ATRX: variants seen among roughly 807,000 people sequenced by gnomAD.
ATRX encodes ATRX chromatin remodeler, also known as chromatin remodeler ATRX.
Under a neutral mutation model 172.6 loss-of-function variants are expected in ATRX, and 12 were observed. The observed-to-expected ratio is 0.07, with a 90% confidence interval of 0.04 to 0.11. ATRX has a LOEUF of 0.11. Ranked by LOEUF, ATRX falls within the 10% of genes least tolerant of loss-of-function variation. The probability of loss-of-function intolerance (pLI) is 1.00; values close to 1 mark genes in which losing one functional copy is unlikely to be tolerated. For missense variants in ATRX, 1,368 were observed against 1,767.4 expected, an observed-to-expected ratio of 0.77 and a Z score of 4.05; for synonymous variants, 674 against 594.7, an observed-to-expected ratio of 1.13 and a Z score of -1.94.
Position 77,560,584 on chromosome X carries a change from C to T in ATRX, c.6327-1738G>A, listed in dbSNP as rs927956649. On this transcript the variant is annotated intron_variant, in intron 28 of 34. Coordinates refer to ENST00000373344, the MANE Select transcript of ATRX (RefSeq NM_000489.6). ...TCAATAATCAACACAAAATGTTTTT[C>T]TTTTCTTTCATGAAAGAAAATTAAT... is the stretch of plus-strand genomic sequence containing the variant. 6.7e-4 allele frequency among the ~76,000 whole-genome samples: 74 copies of T among 111,149 alleles called. 1 individual carries two copies. Among genetic ancestry groups the T allele is most frequent in the Non-Finnish European group, 1.1e-3 (56 of 52,872 alleles).
At chrX:77,554,956 C>T (rs1225312608) in intron 30 of ATRX, among the ~76,000 whole-genome samples, 3 of 111,912 alleles carry the variant, frequency 2.7e-5, no homozygotes, top group East Asian at 5.6e-4. Flanking sequence ...AAAGCAGGCA[C>T]GTCCTCTCTT....
chrX:77,750,794 A>C (rs1557187220), intron 1 of ATRX, among the ~76,000 whole-genome samples: 1 of 109,892 alleles, frequency 9.1e-6, no homozygotes, highest in Non-Finnish European at 1.9e-5. Flanking sequence ...GTTTTCTGTT[A>C]CTGTGTTACT....
chrX:77,689,187 TAA>T (rs1396631385), intron 6 of ATRX, among the ~76,000 whole-genome samples: 4 of 112,127 alleles, frequency 3.6e-5, no homozygotes, highest in Non-Finnish European at 7.5e-5. Context: ...GAAATAACAT[TAA>T]GAGAACCCAT....
rs141074037 is a variant in ATRX, at chrX:77,782,821, C to A, written c.20+3161G>T. 3.9e-3 allele frequency among the ~76,000 whole-genome samples: 436 copies of A among 111,812 alleles called. 1 individual carries two copies. The highest frequency in any genetic ancestry group is 0.014 in the African/African-American group (424 of 30,850). The stretch of plus-strand genomic sequence containing the variant: ...ATGAAGCCTCCATTCCAGGCCCTAG[C>A]TCCAGGATGACAATTCTAGACACAT... On this transcript the variant is annotated intron_variant, in intron 1 of 34. Coordinates refer to ENST00000373344, the MANE Select transcript of ATRX (RefSeq NM_000489.6).
intron 11 of ATRX, among the ~76,000 whole-genome samples, chrX:77,663,923 G>A (rs2070075805): frequency 1.8e-5 from 2 of 110,943 alleles, no homozygotes; most frequent in Non-Finnish European, 3.8e-5. Context: ...TCAACATGGA[G>A]AAACCCCGTC....
intron 30 of ATRX, 102 bp downstream of exon 30, chrX:77,557,349 A>T (rs1358200445): frequency 1.3e-6 from 1 of 793,921 alleles, no homozygotes; most frequent in African/African-American, 2.1e-5. Context: ...TCCTTGAAAA[A>T]TTCTGAAATA....
intron 19 of ATRX, among the ~76,000 whole-genome samples, chrX:77,623,838 G>A (rs781855439): frequency 9.0e-6 from 1 of 111,561 alleles, no homozygotes; most frequent in African/African-American, 3.3e-5. Context: ...AAAAGCATTC[G>A]ACAAAATCCA....
chrX:77,540,152 C>G (rs2063916716), intron 30 of ATRX, among the ~76,000 whole-genome samples: 1 of 111,327 alleles, frequency 9.0e-6, no homozygotes, highest in Non-Finnish European at 1.9e-5. Flanking sequence ...CAAAAAAAAG[C>G]AGGAGTTGCA....
intron 2 of ATRX, among the ~76,000 whole-genome samples, chrX:77,714,514 A>T (rs182078970): frequency 4.0e-4 from 45 of 112,145 alleles, no homozygotes; most frequent in African/African-American, 1.4e-3. Flanking sequence ...GGAATAAATC[A>T]TAACTTTAGA....
chrX:77,778,645 C>A (rs1479329774), intron 1 of ATRX, among the ~76,000 whole-genome samples: 1 of 105,418 alleles, frequency 9.5e-6, no homozygotes, highest in Non-Finnish European at 1.9e-5. Context: ...CGCTTGAACC[C>A]GGGAAGCGGA....
intron 22 of ATRX, among the ~76,000 whole-genome samples, chrX:77,601,415 T>C (rs781828739): frequency 9.3e-5 from 10 of 107,276 alleles, no homozygotes; most frequent in African/African-American, 3.1e-4. Flanking sequence ...GAGTTTGAGG[T>C]TACAATGAAC....
intron 34 of ATRX, 38 bp from the exon 35 acceptor site, chrX:77,508,667 C>T (rs1305645630): frequency 2.1e-5 from 25 of 1,201,618 alleles, no homozygotes; most frequent in Non-Finnish European, 2.8e-5. Context: ...AAGTGCATGA[C>T]CTGTCTCAAA....
At chrX:77,649,397 A>AT (rs201288195) in intron 15 of ATRX, among the ~76,000 whole-genome samples, 1,209 of 112,393 alleles carry the variant, frequency 0.011, 21 homozygotes, top group African/African-American at 0.037. Flanking sequence ...TTGGAATGGA[A>AT]TTAGCAAAAT....
intron 6 of ATRX, among the ~76,000 whole-genome samples, chrX:77,692,852 T>A (rs1427476342): frequency 2.1e-5 from 2 of 95,062 alleles, no homozygotes; most frequent in Non-Finnish European, 4.3e-5. Context: ...TTAGAGTGTG[T>A]GTGTGTGTGT....
chrX:77,569,537 G>A (rs1342739751), intron 28 of ATRX, among the ~76,000 whole-genome samples: 1 of 111,523 alleles, frequency 9.0e-6, no homozygotes, highest in Non-Finnish European at 1.9e-5. Flanking sequence ...CAAACTCCTA[G>A]AACAAATGAA....
intron 34 of ATRX, among the ~76,000 whole-genome samples, chrX:77,513,265 T>C (rs1358641668): frequency 1.1e-5 from 1 of 89,453 alleles, no homozygotes; most frequent in Non-Finnish European, 2.1e-5. Flanking sequence ...TGCAGTGAGC[T>C]GAGATTGCGC....
At chrX:77,703,417 A>G (rs2072643429) in intron 2 of ATRX, among the ~76,000 whole-genome samples, 1 of 112,804 alleles carries the variant, frequency 8.9e-6, no homozygotes, top group Non-Finnish European at 1.9e-5. Context: ...TCCAGGTGCC[A>G]GCATGGGCAT....
chrX:77,758,950 A>T (rs1557191605), intron 1 of ATRX, among the ~76,000 whole-genome samples: 1 of 112,029 alleles, frequency 8.9e-6, no homozygotes, highest in Non-Finnish European at 1.9e-5. Context: ...AATGGAACTT[A>T]AAGATGGGAC....
chrX:77,707,308 A>G (rs2072881619), intron 2 of ATRX, among the ~76,000 whole-genome samples: 1 of 112,367 alleles, frequency 8.9e-6, no homozygotes, highest in African/African-American at 3.2e-5. Context: ...ATGCACAACA[A>G]TTTTACTTAA....
Sources: gnomAD v4.1 joint callset for allele counts (sites outside exome capture counted in the v4.1 genomes callset) on GRCh38, gnomAD v4.1.1 for gene constraint, MANE v1.5 for transcripts, NCBI Gene and HGNC (gene_info 2026-07-23, HGNC 2026-07-21) for gene names.